The following MAP3K5 variants were observed in gnomAD, a reference collection of about 807,000 sequenced individuals.
The protein encoded by MAP3K5 is mitogen-activated protein kinase kinase kinase 5.
MAP3K5 carries 56 observed loss-of-function variants against 158.7 expected under a neutral mutation model. The ratio of observed to expected loss-of-function variants is 0.35; its 90% CI spans 0.28 to 0.44. The LOEUF is 0.44. MAP3K5 is among the 20% of genes least tolerant of loss of function. MAP3K5 has a pLI of 1.00. For missense variants in MAP3K5, 1,294 were observed against 1,674.8 expected (o/e 0.77, Z 3.97); for synonymous variants, 579 against 601.7 (o/e 0.96, Z 0.55).
chr6:136,714,299 C>T (rs1781432244), intron 2 of MAP3K5, among the ~76,000 whole-genome samples: 1 of 152,140 alleles, frequency 6.6e-6, no homozygotes. Flanking sequence ...AATTTACAAA[C>T]TGGTATAATC....
chr6:136,593,566 T>C (rs1379460177), intron 21 of MAP3K5: 3 of 262,302 alleles, frequency 1.1e-5, no homozygotes, highest in Non-Finnish European at 2.3e-5. Flanking sequence ...TCAGTCTCTG[T>C]ATATGTATGC....
intron 15 of MAP3K5, among the ~76,000 whole-genome samples, chr6:136,616,126 G>C (rs1024243634): frequency 5.3e-5 from 8 of 152,012 alleles, no homozygotes; most frequent in Admixed American, 1.3e-4. Context: ...TAGTATACCA[G>C]TTAGAGATAG....
intron 2 of MAP3K5, among the ~76,000 whole-genome samples, chr6:136,719,694 G>T (rs938376358): frequency 6.6e-6 from 1 of 152,150 alleles, no homozygotes; most frequent in African/African-American, 2.4e-5. Context: ...ATGTCCCAAG[G>T]TTGGCTCAGA....
intron 15 of MAP3K5, among the ~76,000 whole-genome samples, chr6:136,617,838 C>A (rs1301177973): frequency 2.2e-4 from 34 of 152,168 alleles, no homozygotes; most frequent in Non-Finnish European, 7.4e-5. Flanking sequence ...GAGGCTGAGG[C>A]AGGAGAATCA....
chr6:136,631,232 A>C (rs1274549049), intron 14 of MAP3K5, among the ~76,000 whole-genome samples: 1 of 152,228 alleles, frequency 6.6e-6, no homozygotes, highest in Admixed American at 6.5e-5. Flanking sequence ...TTCCCAACAG[A>C]ATGAATGAAT....
intron 8 of MAP3K5, among the ~76,000 whole-genome samples, chr6:136,666,762 CTA>C (rs1261852981): frequency 1.3e-5 from 2 of 152,066 alleles, no homozygotes; most frequent in Non-Finnish European, 2.9e-5. Flanking sequence ...TGAGTTTTAA[CTA>C]TGTTTTCATT....
At chr6:136,726,948 C>T (rs191349121) in intron 1 of MAP3K5, among the ~76,000 whole-genome samples, 11 of 151,960 alleles carry the variant, frequency 7.2e-5, no homozygotes, top group Non-Finnish European at 1.5e-4. Context: ...TTTTTCCCTT[C>T]CGATTTGTAT....
intron 26 of MAP3K5, among the ~76,000 whole-genome samples, chr6:136,563,013 T>C (rs1830585558): frequency 6.6e-6 from 1 of 151,964 alleles, no homozygotes; most frequent in Non-Finnish European, 1.5e-5. Flanking sequence ...TGAGCTATAA[T>C]AAGCACATAC....
chr6:136,720,951 A>C (rs779487255), intron 1 of MAP3K5, among the ~76,000 whole-genome samples: 5 of 152,084 alleles, frequency 3.3e-5, no homozygotes. Context: ...AGCTAATTAA[A>C]AAATTTTTTT....
At chr6:136,705,088 G>T in intron 3 of MAP3K5, 22 bp downstream of exon 3, 1 of 1,127,996 alleles carries the variant, frequency 8.9e-7, no homozygotes, top group South Asian at 1.5e-5. Flanking sequence ...TAAAACTCTG[G>T]AAGGTTAAAT....
At chr6:136,760,813 T>C (rs918338421) in intron 1 of MAP3K5, among the ~76,000 whole-genome samples, 3 of 151,904 alleles carry the variant, frequency 2.0e-5, no homozygotes, top group African/African-American at 4.8e-5. Flanking sequence ...CTACTGAACA[T>C]AGAAAAATTA....
intron 1 of MAP3K5, among the ~76,000 whole-genome samples, chr6:136,779,039 C>T (rs578232687): frequency 1.8e-4 from 28 of 152,214 alleles, no homozygotes; most frequent in African/African-American, 6.3e-4. Flanking sequence ...GTGGCTCACG[C>T]CTGTAATCCC....
Position 136,557,152 on chromosome 6 carries a change from GTAGTACA to G in MAP3K5, c.*599_*605del, listed in dbSNP as rs1562502684. On this transcript the variant is annotated 3_prime_UTR_variant, in exon 30 of 30. Transcript: ENST00000359015. ...AAGCATGTGCAACTGGTACAGTTCA[GTAGTACA>G]TAAACGACTCAAACAAATGTACGAC... 6.5e-6 allele frequency: 1 copy of G among 152,808 alleles called. No homozygotes were observed. Among genetic ancestry groups the G allele is most frequent in the Non-Finnish European group, 1.5e-5 (1 of 68,636 alleles). The allele number at this position is 152,808 out of a possible 1,614,324, so 9.5% of individuals were successfully genotyped here.
intron 7 of MAP3K5, among the ~76,000 whole-genome samples, chr6:136,693,332 T>C (rs1780470264): frequency 6.6e-6 from 1 of 152,210 alleles, no homozygotes; most frequent in South Asian, 2.1e-4. Context: ...TGAGTCTTGT[T>C]AACTGGTGGA....
intron 1 of MAP3K5, among the ~76,000 whole-genome samples, chr6:136,783,449 T>G (rs1255227392): frequency 6.6e-6 from 1 of 152,230 alleles, no homozygotes; most frequent in Non-Finnish European, 1.5e-5. Flanking sequence ...TCTAGCCAGT[T>G]TCCCCACCTA....
In MAP3K5 at chr6:136,613,393, T is replaced by C. The variant is rs1776425780; in HGVS notation, c.2279-137A>G. 1 of 631,346 alleles carries C rather than the reference T, an allele frequency of 1.6e-6. No homozygotes were observed. Among genetic ancestry groups the C allele is most frequent in the East Asian group, 3.2e-5 (1 of 31,648 alleles). The allele number at this position is 631,346 out of a possible 1,614,324, so 39.1% of individuals were successfully genotyped here. ...CCAGGAGCTATACTGGATATCGGGC[T>C]CAAACATGAATTTGCAAATATCCCT... On this transcript the variant is annotated intron_variant, in intron 16 of 29. Transcript: ENST00000359015. The surrounding 1 kb of genome is among the most constrained non-coding windows in gnomAD (Gnocchi z 4.0).
At chr6:136,568,140 A>C (rs1344401440) in intron 25 of MAP3K5, among the ~76,000 whole-genome samples, 1 of 152,224 alleles carries the variant, frequency 6.6e-6, no homozygotes, top group East Asian at 1.9e-4. Context: ...ATCAATACAT[A>C]GTCACATTGC....
chr6:136,681,698 C>T (rs567361573), intron 7 of MAP3K5, among the ~76,000 whole-genome samples: 58 of 152,228 alleles, frequency 3.8e-4, no homozygotes, highest in Non-Finnish European at 6.2e-4. Context: ...GGGCAGATCA[C>T]GAGGTCAGGA....
chr6:136,746,304 T>C (rs911280917), intron 1 of MAP3K5, among the ~76,000 whole-genome samples: 9 of 151,376 alleles, frequency 5.9e-5, no homozygotes, highest in Non-Finnish European at 1.3e-4. Flanking sequence ...GGCAGGAAAA[T>C]ACAAATACGT....
Sources: gnomAD v4.1 joint callset for allele counts (sites outside exome capture counted in the v4.1 genomes callset) on GRCh38, gnomAD v4.1.1 for gene constraint, Gnocchi (gnomAD v3.1) non-coding constraint, MANE v1.5 for transcripts, NCBI Gene and HGNC (gene_info 2026-07-23, HGNC 2026-07-21) for gene names.